The following TYW1B variants were observed in gnomAD, a reference collection of about 807,000 sequenced individuals.
TYW1B encodes S-adenosyl-L-methionine-dependent tRNA 4-demethylwyosine synthase TYW1B.
In TYW1B, 73 loss-of-function variants were observed where a neutral mutation model predicts 86.9. The ratio of observed to expected loss-of-function variants is 0.84; its 90% CI spans 0.70 to 1.02. The LOEUF (loss-of-function observed/expected upper bound fraction) is 1.02. Among genes scored for constraint, TYW1B ranks in the 50% least tolerant of loss-of-function variants. The pLI is 0.00. For synonymous variants in TYW1B, 248 were observed against 292.8 expected, an observed-to-expected ratio of 0.85 and a Z score of 1.56; for missense variants, 637 against 827.4, an observed-to-expected ratio of 0.77 and a Z score of 2.82.
intron 12 of TYW1B, among the ~76,000 whole-genome samples, chr7:72,626,305 G>A (rs1467500462): frequency 1.3e-5 from 2 of 150,058 alleles, no homozygotes; most frequent in African/African-American, 4.9e-5. Flanking sequence ...ACAGGGTTCA[G>A]TTTCAAAGCC....
Position 72,628,790 on chromosome 7 carries a change from C to T in TYW1B, c.1617+97G>A, listed in dbSNP as rs1229208119. The T allele has an allele frequency of 4.4e-5, 38 of 860,588 alleles. No individual in the cohort carries two copies. In the Middle Eastern group the frequency reaches 1.6e-3, roughly 37 times the overall value. 53.3% of individuals were successfully genotyped at this position (860,588 alleles called of 1,614,324 possible). ...AATACATCAATAAAATTCCTGGGACCTCTAGAGTTTTACAAGGTTTTAACT... is the reference window on the plus strand; with the variant it reads ...AATACATCAATAAAATTCCTGGGACTTCTAGAGTTTTACAAGGTTTTAACT... On this transcript the variant is annotated intron_variant, in intron 12 of 13. Coordinates refer to ENST00000620995, the MANE Select transcript of TYW1B (RefSeq NM_001145440.3).
chr7:72,782,878 A>T (rs1788071846), intron 6 of TYW1B, among the ~76,000 whole-genome samples: 1 of 152,182 alleles, frequency 6.6e-6, no homozygotes, highest in Non-Finnish European at 1.5e-5. Context: ...CTCAAAGAAA[A>T]GAAAAAGAAA....
At chr7:72,730,598 G>C (rs1554459680) in intron 8 of TYW1B, among the ~76,000 whole-genome samples, 1 of 149,794 alleles carries the variant, frequency 6.7e-6, no homozygotes, top group Non-Finnish European at 1.5e-5. Flanking sequence ...AGAAGAAGGA[G>C]GAGGAAGAGG....
intron 7 of TYW1B, among the ~76,000 whole-genome samples, chr7:72,754,557 C>G (rs1787555142): frequency 6.6e-6 from 1 of 152,080 alleles, no homozygotes; most frequent in Non-Finnish European, 1.5e-5. Context: ...ATGCCTCAGC[C>G]CCAACAAGTA....
chr7:72,595,223 GT>G (rs782413281), intron 13 of TYW1B, among the ~76,000 whole-genome samples: 4 of 152,170 alleles, frequency 2.6e-5, no homozygotes, highest in Non-Finnish European at 1.5e-5. Flanking sequence ...ATGATATGAT[GT>G]TATATGTAGA....
At chr7:72,767,034 G>C (rs1474462968) in intron 7 of TYW1B, among the ~76,000 whole-genome samples, 1 of 152,010 alleles carries the variant, frequency 6.6e-6, no homozygotes, top group African/African-American at 2.4e-5. Context: ...AATCAAAATG[G>C]AGTCACTAAT....
At chr7:72,676,788 A>G (rs571229237) in intron 11 of TYW1B, among the ~76,000 whole-genome samples, 2 of 152,242 alleles carry the variant, frequency 1.3e-5, no homozygotes, top group East Asian at 3.9e-4. Flanking sequence ...GGGAAACCCC[A>G]TCTCTACTAA....
In TYW1B at chr7:72,704,411, G is replaced by C. The variant is rs1429413818; in HGVS notation, c.1370+9210C>G. Reference sequence around the variant, plus strand: ...ATCGCACCACTGCACTCCAGCATAGGAGACAGAATGAGATTCTATCTTAAA... The same window carrying C: ...ATCGCACCACTGCACTCCAGCATAGCAGACAGAATGAGATTCTATCTTAAA... On this transcript the variant is annotated intron_variant, in intron 10 of 13. Coordinates refer to ENST00000620995, the MANE Select transcript of TYW1B (RefSeq NM_001145440.3). 2.1e-5 allele frequency among the ~76,000 whole-genome samples: 3 copies of C among 142,340 alleles called. No homozygotes were observed. In the East Asian group the frequency reaches 6.2e-4, roughly 29 times the overall value. The allele number at this position is 142,340 out of a possible 152,430, so 93.4% of individuals were successfully genotyped here.
intron 11 of TYW1B, among the ~76,000 whole-genome samples, chr7:72,672,745 G>C (rs1459591947): frequency 2.0e-5 from 3 of 152,276 alleles, no homozygotes; most frequent in African/African-American, 7.2e-5. Flanking sequence ...GATACTGAGA[G>C]ACAACAGTAT....
At chr7:72,725,099 C>T (rs1443530077) in intron 9 of TYW1B, among the ~76,000 whole-genome samples, 3 of 152,200 alleles carry the variant, frequency 2.0e-5, no homozygotes, top group African/African-American at 7.2e-5. Flanking sequence ...ACAGGCCCAG[C>T]AGACAATGAA....
chr7:72,588,451 TA>T (rs1236985947), intron 13 of TYW1B, among the ~76,000 whole-genome samples: 1 of 152,166 alleles, frequency 6.6e-6, no homozygotes, highest in African/African-American at 2.4e-5. Context: ...GTGCAAAACC[TA>T]AATGGAGATA....
At chr7:72,621,003 A>G (rs2129568517) in intron 12 of TYW1B, among the ~76,000 whole-genome samples, 1 of 152,238 alleles carries the variant, frequency 6.6e-6, no homozygotes, top group African/African-American at 2.4e-5. Context: ...TAGCTTTTGG[A>G]CCCACCCCCA....
At chr7:72,607,303 G>T (rs1168028734) in intron 13 of TYW1B, among the ~76,000 whole-genome samples, 22 of 148,156 alleles carry the variant, frequency 1.5e-4, no homozygotes, top group Non-Finnish European at 2.7e-4. Flanking sequence ...TGAGGCAGGA[G>T]AATCACTTGA....
chr7:72,733,159 A>AACAC (rs145935571), intron 8 of TYW1B, among the ~76,000 whole-genome samples: 16,701 of 146,868 alleles, frequency 0.11, 1,086 homozygotes, highest in East Asian at 0.29. Flanking sequence ...CCAAACCTAA[A>AACAC]ACACACACAC....
chr7:72,676,776 TG>T (rs1450517602), intron 11 of TYW1B, among the ~76,000 whole-genome samples: 19 of 152,096 alleles, frequency 1.2e-4, no homozygotes, highest in African/African-American at 4.6e-4. Flanking sequence ...CTGGCCAATA[TG>T]GGGAAACCCC....
chr7:72,811,056 G>T lies in TYW1B; in HGVS notation c.238-391C>A, dbSNP rs148365459. 6.9e-3 allele frequency among the ~76,000 whole-genome samples: 1,041 copies of T among 151,968 alleles called. 16 individuals are homozygous for T. The highest frequency in any genetic ancestry group is 0.022 in the African/African-American group (916 of 41,508). Reference sequence around the variant, plus strand: ...GGAGGCTGAGGCGGGCGGATCACAAGGTCAGGAGATCGAGACCATCCTGGC... The same window carrying T: ...GGAGGCTGAGGCGGGCGGATCACAATGTCAGGAGATCGAGACCATCCTGGC... On this transcript the variant is annotated intron_variant, in intron 3 of 13. Coordinates refer to ENST00000620995, the MANE Select transcript of TYW1B (RefSeq NM_001145440.3).
chr7:72,703,711 C>T (rs1320000146), intron 10 of TYW1B, among the ~76,000 whole-genome samples: 1 of 151,744 alleles, frequency 6.6e-6, no homozygotes, highest in Non-Finnish European at 1.5e-5. Context: ...AAAAAATTAG[C>T]TGGTGTGGTG....
chr7:72,802,652 G>A lies in TYW1B; in HGVS notation c.724-130C>T, dbSNP rs573626838. 5,173 of 1,392,144 alleles carry A rather than the reference G, an allele frequency of 3.7e-3. 12 individuals are homozygous for A. Among genetic ancestry groups the A allele is most frequent in the Non-Finnish European group, 4.6e-3 (4,834 of 1,054,738 alleles). The allele number at this position is 1,392,144 out of a possible 1,614,324, so 86.2% of individuals were successfully genotyped here. On this transcript the variant is annotated intron_variant, in intron 5 of 13. Transcript: ENST00000620995. ...TTTTTTTTCTTTGAGACAGGGTCTC[G>A]CTCTGTCGCCCAGGCTGGAGCGCAG...
intron 9 of TYW1B, among the ~76,000 whole-genome samples, chr7:72,720,979 ATGAGTG>A (rs1554457351): frequency 1.9e-4 from 26 of 138,044 alleles, no homozygotes; most frequent in African/African-American, 6.9e-4. Context: ...ATTCCCACCT[ATGAGTG>A]AGAACATGCG....
Sources: gnomAD v4.1 joint callset for allele counts (sites outside exome capture counted in the v4.1 genomes callset) on GRCh38, gnomAD v4.1.1 for gene constraint, MANE v1.5 for transcripts, NCBI Gene and HGNC (gene_info 2026-07-23, HGNC 2026-07-21) for gene names.